Variants in GPM6A observed in about 807,000 individuals in gnomAD.
GPM6A encodes the protein glycoprotein M6A, also known as neuronal membrane glycoprotein M6-a.
In GPM6A, 7 loss-of-function variants were observed where a neutral mutation model predicts 32.1. That is an observed-to-expected ratio of 0.22 (90% CI 0.12 to 0.41). The LOEUF is 0.41. Among genes scored for constraint, GPM6A ranks in the 10% least tolerant of loss-of-function variants. GPM6A has a pLI of 1.00. For synonymous variants in GPM6A, 130 were observed against 123.4 expected (o/e 1.05, Z -0.35); for missense variants, 235 against 347.2 (o/e 0.68, Z 2.57).
At chr4:175,844,575 C>T (rs1254582122) in intron 1 of GPM6A, among the ~76,000 whole-genome samples, 34 of 152,158 alleles carry the variant, frequency 2.2e-4, no homozygotes, top group Admixed American at 2.2e-3. Flanking sequence ...CCTATTCTCA[C>T]ACATAAAACT....
At chr4:175,657,439 T>C (rs907201885) in intron 3 of GPM6A, among the ~76,000 whole-genome samples, 1 of 152,048 alleles carries the variant, frequency 6.6e-6, no homozygotes, top group African/African-American at 2.4e-5. Flanking sequence ...TTCTCATAGA[T>C]ATCCAGTGTT....
At chr4:175,792,683 C>T (rs1378253200) in intron 1 of GPM6A, among the ~76,000 whole-genome samples, 1 of 152,090 alleles carries the variant, frequency 6.6e-6, no homozygotes, top group Non-Finnish European at 1.5e-5. Context: ...CAATGTAAAA[C>T]TCTTTATTTT....
At position 175,651,691 on chromosome 4, in the gene GPM6A, G is replaced by C; in HGVS notation, c.541+143C>G. 8.0e-6 allele frequency: 5 copies of C among 626,810 alleles called. No individual in the cohort carries two copies. In the South Asian group the frequency reaches 1.1e-4, roughly 14 times the overall value. The allele number at this position is 626,810 out of a possible 1,614,324, so 38.8% of individuals were successfully genotyped here. A position where few individuals can be genotyped will look rare whatever the true frequency, so the allele number is the denominator to read the frequency against. The stretch of plus-strand genomic sequence containing the variant: ...TTTAAATTTAAAGGGAATAGCCTTA[G>C]CAGTAATACTCTGATAAATTTATCT... On this transcript the variant is annotated intron_variant, in intron 4 of 6. Coordinates refer to ENST00000393658, the MANE Select transcript of GPM6A (RefSeq NM_201591.3).
At chr4:175,878,911 G>T (rs1737177126) in intron 1 of GPM6A, among the ~76,000 whole-genome samples, 1 of 152,134 alleles carries the variant, frequency 6.6e-6, no homozygotes, top group Non-Finnish European at 1.5e-5. Context: ...ACAAAAAGCT[G>T]AATGCTTTTA....
rs557657191 is a variant in GPM6A, at chr4:175,759,045, A to G, written c.37+53146T>C. Among the ~76,000 whole-genome samples, 55 of 152,322 alleles carry G rather than the reference A, an allele frequency of 3.6e-4. 1 individual carries two copies. In the East Asian group the frequency reaches 7.9e-3, roughly 22 times the overall value. ...ATTCTAAAAAACAATATTGTGCAAAATTAAATCTTTAGTTCATGCAATCAG... is the reference window on the plus strand; with the variant it reads ...ATTCTAAAAAACAATATTGTGCAAAGTTAAATCTTTAGTTCATGCAATCAG... On this transcript the variant is annotated intron_variant, in intron 1 of 6. Transcript: ENST00000393658.
chr4:175,971,330 C>T (rs890958221), intron 1 of GPM6A, among the ~76,000 whole-genome samples: 5 of 151,046 alleles, frequency 3.3e-5, no homozygotes, highest in African/African-American at 1.2e-4. Context: ...TACTATGCAT[C>T]AAAACCAACA....
chr4:175,996,192 C>T (rs1317865395), intron 1 of GPM6A, among the ~76,000 whole-genome samples: 8 of 152,100 alleles, frequency 5.3e-5, no homozygotes, highest in African/African-American at 1.9e-4. Flanking sequence ...GGGAGAAAGG[C>T]CTCGATTTTT....
At chr4:175,767,468 T>G (rs997560805) in intron 1 of GPM6A, among the ~76,000 whole-genome samples, 3 of 152,218 alleles carry the variant, frequency 2.0e-5, no homozygotes, top group East Asian at 3.8e-4. Flanking sequence ...AGCTTTACCA[T>G]GAAAACCTCG....
At chr4:175,720,365 A>G (rs1345758423) in intron 1 of GPM6A, among the ~76,000 whole-genome samples, 1 of 152,198 alleles carries the variant, frequency 6.6e-6, no homozygotes, top group African/African-American at 2.4e-5. Context: ...CTCATTTTCA[A>G]TTCCTATCAG....
chr4:175,722,814 C>G (rs920783472), intron 1 of GPM6A, among the ~76,000 whole-genome samples: 1 of 151,918 alleles, frequency 6.6e-6, no homozygotes, highest in Non-Finnish European at 1.5e-5. Flanking sequence ...GAGGCTAAGG[C>G]GGGCGAATCG....
intron 1 of GPM6A, among the ~76,000 whole-genome samples, chr4:175,721,045 T>TATA (rs1560895617): frequency 7.6e-6 from 1 of 131,520 alleles, no homozygotes; most frequent in Non-Finnish European, 1.6e-5. Flanking sequence ...ATATATTATA[T>TATA]ATATATATGT....
intron 1 of GPM6A, among the ~76,000 whole-genome samples, chr4:175,977,060 G>A (rs1740684388): frequency 1.3e-5 from 2 of 152,000 alleles, no homozygotes; most frequent in South Asian, 4.1e-4. Context: ...ATTCAAATAA[G>A]GTCAAAACAT....
intron 1 of GPM6A, among the ~76,000 whole-genome samples, chr4:175,829,244 CT>C (rs1735531790): frequency 6.6e-6 from 1 of 152,142 alleles, no homozygotes; most frequent in Non-Finnish European, 1.5e-5. Flanking sequence ...GAATGTTAAA[CT>C]TTTTGTACAT....
At chr4:175,707,678 A>G (rs532002448) in intron 1 of GPM6A, among the ~76,000 whole-genome samples, 1 of 150,588 alleles carries the variant, frequency 6.6e-6, no homozygotes, top group East Asian at 1.9e-4. Flanking sequence ...TTATCTTCTT[A>G]TTGTCTTACG....
At position 175,976,775 on chromosome 4, in the gene GPM6A, T is replaced by G. The variant is rs73016169; in HGVS notation, c.-23+25534A>C. ...CTGCTTCTGACCATCATTGTAACGG[T>G]ACAAGTGAGGTAGAACCACCCACAC... On this transcript the variant is annotated intron_variant, in intron 1 of 7. Coordinates refer to the GPM6A transcript ENST00000280187. Among the ~76,000 whole-genome samples, 1,415 of 152,276 alleles carry G rather than the reference T, an allele frequency of 9.3e-3. 18 individuals are homozygous for G. Among genetic ancestry groups the G allele is most frequent in the African/African-American group, 0.032 (1,333 of 41,568 alleles).
At chr4:175,872,533 A>G (rs1736944433) in intron 1 of GPM6A, 2 of 152,246 alleles carry the variant, frequency 1.3e-5, no homozygotes, top group Admixed American at 1.3e-4. Context: ...AAAAGGTTGT[A>G]TAATAAACTC....
At chr4:175,956,021 A>T (rs1054501104) in intron 1 of GPM6A, among the ~76,000 whole-genome samples, 1 of 152,226 alleles carries the variant, frequency 6.6e-6, no homozygotes, top group African/African-American at 2.4e-5. Flanking sequence ...CCAGTTGTAA[A>T]ATACCAACAT....
chr4:175,947,656 C>T lies in GPM6A; in HGVS notation c.-23+54653G>A, dbSNP rs1379881460. On this transcript the variant is annotated intron_variant, in intron 1 of 7. Transcript: ENST00000280187. ...CTTGCATTCATTACCTCATTTGTTT[C>T]TCCAGATGAATGGCTAATAGAGCAG... The T allele has an allele frequency of 2.6e-5, 4 of 152,084 alleles. No homozygotes were observed. In the East Asian group the frequency reaches 7.7e-4, roughly 29 times the overall value. The allele number at this position is 152,084 out of a possible 1,614,324, so 9.4% of individuals were successfully genotyped here. A position where few individuals can be genotyped will look rare whatever the true frequency, so the allele number is the denominator to read the frequency against.
chr4:175,933,765 C>T (rs748426325), intron 1 of GPM6A, among the ~76,000 whole-genome samples: 35 of 152,076 alleles, frequency 2.3e-4, no homozygotes, highest in Non-Finnish European at 4.4e-4. Flanking sequence ...AGGATGGTCT[C>T]GCTCTCCTGA....
Sources: gnomAD v4.1 joint callset for allele counts (sites outside exome capture counted in the v4.1 genomes callset) on GRCh38, gnomAD v4.1.1 for gene constraint, MANE v1.5 for transcripts, NCBI Gene and HGNC (gene_info 2026-07-23, HGNC 2026-07-21) for gene names.